Variants in GALNT15 observed in about 807,000 individuals in gnomAD.
The protein encoded by GALNT15 is polypeptide N-acetylgalactosaminyltransferase 15.
Under a neutral mutation model 66.8 loss-of-function variants are expected in GALNT15, and 67 were observed. That is an observed-to-expected ratio of 1.00 (90% CI 0.82 to 1.23). The LOEUF (loss-of-function observed/expected upper bound fraction) is 1.23. Ranked by LOEUF, GALNT15 falls within the 50% of genes most tolerant of loss-of-function variation. The pLI is 0.00. For synonymous variants in GALNT15, 313 were observed against 311.5 expected (o/e 1.00, Z -0.05); for missense variants, 827 against 804.3 (o/e 1.03, Z -0.34).
Position 16,227,123 on chromosome 3 carries a change from A to C in GALNT15, c.1774-231A>C, listed in dbSNP as rs575438322. Among the ~76,000 whole-genome samples the C allele has an allele frequency of 1.7e-4, 26 of 152,382 alleles. No homozygotes were observed. Among genetic ancestry groups the C allele is most frequent in the African/African-American group, 6.3e-4 (26 of 41,590 alleles). On this transcript the variant is annotated intron_variant, in intron 9 of 9. Transcript: ENST00000339732. This position sits in a 1 kb window ranked among gnomAD's most constrained non-coding sequence, Gnocchi z 4.5. ...TTTCTAAGAAATGGTGCAATTACAC[A>C]ACTACAATAAAGATAATTGGATTAG...
chr3:16,196,403 G>A (rs1403339526), intron 2 of GALNT15, among the ~76,000 whole-genome samples: 1 of 152,154 alleles, frequency 6.6e-6, no homozygotes, highest in Non-Finnish European at 1.5e-5. Flanking sequence ...GAGGAAACTG[G>A]GGCCCAGAGA....
chr3:16,208,105 T>G (rs1287704882), intron 3 of GALNT15, among the ~76,000 whole-genome samples: 1 of 152,180 alleles, frequency 6.6e-6, no homozygotes, highest in African/African-American at 2.4e-5. Flanking sequence ...CCCTAATTCC[T>G]TATGGAAAAA....
the GALNT15 span, among the ~76,000 whole-genome samples, chr3:16,240,962 C>A: frequency 6.6e-6 from 1 of 152,152 alleles, no homozygotes; most frequent in Non-Finnish European, 1.5e-5. Flanking sequence ...TTCCTTGTCT[C>A]TGCTCTAACC....
intron 1 of GALNT15, among the ~76,000 whole-genome samples, chr3:16,178,437 C>T (rs1660554918): frequency 6.6e-6 from 1 of 152,190 alleles, no homozygotes; most frequent in South Asian, 2.1e-4. Context: ...CGAAGGGAGA[C>T]GATTGGATTC....
Position 16,183,912 on chromosome 3 carries a change from G to C in GALNT15, c.539+8222G>C. Among the ~76,000 whole-genome samples, 2 of 152,188 alleles carry C rather than the reference G, an allele frequency of 1.3e-5. No individual in the cohort carries two copies. Among genetic ancestry groups the C allele is most frequent in the East Asian group, 3.8e-4 (2 of 5,200 alleles). On this transcript the variant is annotated intron_variant, in intron 1 of 9. Transcript: ENST00000339732. The surrounding 1 kb of genome is among the most constrained non-coding windows in gnomAD (Gnocchi z 5.2). ...AGGGGATCCTGGAGCTGCAGGAAAA[G>C]AGGGTGTGCATCTGTATGTAAACAC...
At chr3:16,232,465 AATAAATAT>A (rs1353049413), downstream of GALNT15, among the ~76,000 whole-genome samples, 3 of 28,646 alleles carry the variant, frequency 1.0e-4, no homozygotes, top group South Asian at 1.7e-3. Flanking sequence ...TAAATAAATA[AATAAATAT>A]ATATATATAT....
intron 3 of GALNT15, among the ~76,000 whole-genome samples, chr3:16,205,601 A>G (rs933815644): frequency 1.3e-5 from 2 of 152,242 alleles, no homozygotes; most frequent in South Asian, 2.1e-4. Flanking sequence ...TTCCAAGTCA[A>G]ACGAGGTCAG....
At chr3:16,236,104 CAAAAAAAAAA>C (rs558670542), downstream of GALNT15, among the ~76,000 whole-genome samples, 33 of 23,398 alleles carry the variant, frequency 1.4e-3, 2 homozygotes, top group South Asian at 7.5e-3. Context: ...GACTATGTCT[CAAAAAAAAAA>C]AAAAAAAAAA....
rs1210870001 is a variant in GALNT15 at position 16,209,642 on chromosome 3, A to AC, written c.1079+976dup. Among the ~76,000 whole-genome samples, 3 of 151,992 alleles carry AC rather than the reference A, an allele frequency of 2.0e-5. No individual in the cohort carries two copies. The highest frequency in any genetic ancestry group is 4.4e-5 in the Non-Finnish European group (3 of 67,998). On this transcript the variant is annotated intron_variant, in intron 4 of 9. Coordinates refer to ENST00000339732, the MANE Select transcript of GALNT15 (RefSeq NM_054110.5). This position sits in a 1 kb window ranked among gnomAD's most constrained non-coding sequence, Gnocchi z 4.1. ...AGACCAACCTGGCCATCATGGCGAA[A>AC]CCCCATCTCTACTAAAATTACAAAA...
chr3:16,229,689 T>C lies in GALNT15; in HGVS notation c.*2189T>C, dbSNP rs967214333. 8.2e-6 allele frequency: 8 copies of C among 980,288 alleles called. No homozygotes were observed. The highest frequency in any genetic ancestry group is 8.5e-6 in the Non-Finnish European group (7 of 825,340). 60.7% of individuals were successfully genotyped at this position (980,288 alleles called of 1,614,324 possible). A position where few individuals can be genotyped will look rare whatever the true frequency, so the allele number is the denominator to read the frequency against. ...TGAACTTTATCATTGGCATTGTGGGTCTTTGAAGTTGCTGGGATAAATTAA... is the reference window on the plus strand; with the variant it reads ...TGAACTTTATCATTGGCATTGTGGGCCTTTGAAGTTGCTGGGATAAATTAA... On this transcript the variant is annotated 3_prime_UTR_variant, in exon 10 of 10. Transcript: ENST00000339732.
At chr3:16,244,677 T>C in the GALNT15 span, among the ~76,000 whole-genome samples, 264 of 152,308 alleles carry the variant, frequency 1.7e-3, no homozygotes, top group African/African-American at 6.2e-3. Context: ...CAAAGTTGAA[T>C]GAGAATCTCA....
At chr3:16,238,510 T>C in the GALNT15 span, among the ~76,000 whole-genome samples, 1 of 152,184 alleles carries the variant, frequency 6.6e-6, no homozygotes, top group African/African-American at 2.4e-5. This position sits in a 1 kb window ranked among gnomAD's most constrained non-coding sequence, Gnocchi z 4.8. Context: ...GTTGTTGTAC[T>C]CAAGTTATTT....
chr3:16,201,623 T>C (rs964713313), intron 3 of GALNT15, among the ~76,000 whole-genome samples: 2 of 152,210 alleles, frequency 1.3e-5, no homozygotes, highest in African/African-American at 2.4e-5. Context: ...TTCCCCAGTT[T>C]ATATAAGGGG....
chr3:16,236,283 AC>A (rs2124918246), downstream of GALNT15, among the ~76,000 whole-genome samples: 1 of 152,212 alleles, frequency 6.6e-6, no homozygotes, highest in East Asian at 1.9e-4. Flanking sequence ...GGGTTAGCAA[AC>A]CTTTTCTGTA....
At chr3:16,205,630 G>A (rs901244544) in intron 3 of GALNT15, among the ~76,000 whole-genome samples, 3 of 152,196 alleles carry the variant, frequency 2.0e-5, no homozygotes, top group East Asian at 1.9e-4. Flanking sequence ...TTTGCTTGAC[G>A]TGAATTCCAA....
In GALNT15 at chr3:16,195,668, C is replaced by A; in HGVS notation, c.540-92C>A. The A allele has an allele frequency of 2.5e-6, 3 of 1,201,548 alleles. No homozygotes were observed. The highest frequency in any genetic ancestry group is 1.5e-5 in the African/African-American group (1 of 66,160). The allele number at this position is 1,201,548 out of a possible 1,614,324, so 74.4% of individuals were successfully genotyped here. A position where few individuals can be genotyped will look rare whatever the true frequency, so the allele number is the denominator to read the frequency against. ...TAGGACAGCCATATAATGGGGGCAG[C>A]TCCAGCCAGAGCAAAGGAAGCGAGT... On this transcript the variant is annotated intron_variant, in intron 1 of 9. Transcript: ENST00000339732. The surrounding 1 kb of genome is among the most constrained non-coding windows in gnomAD (Gnocchi z 4.6).
rs1350090968 is a variant in GALNT15, at chr3:16,195,689, C to A, written c.540-71C>A. Reference sequence around the variant, plus strand: ...GCAGCTCCAGCCAGAGCAAAGGAAGCGAGTTAGAGGGTGTGGAGTGTTTCT... The same window carrying A: ...GCAGCTCCAGCCAGAGCAAAGGAAGAGAGTTAGAGGGTGTGGAGTGTTTCT... On this transcript the variant is annotated intron_variant, in intron 1 of 9. Coordinates refer to ENST00000339732, the MANE Select transcript of GALNT15 (RefSeq NM_054110.5). This position sits in a 1 kb window ranked among gnomAD's most constrained non-coding sequence, Gnocchi z 4.6. The A allele has an allele frequency of 2.2e-6, 3 of 1,385,208 alleles. No homozygotes were observed. The highest frequency in any genetic ancestry group is 1.4e-5 in the South Asian group (1 of 73,018). The allele number at this position is 1,385,208 out of a possible 1,614,324, so 85.8% of individuals were successfully genotyped here.
intron 1 of GALNT15, among the ~76,000 whole-genome samples, chr3:16,190,289 A>C (rs879589275): frequency 6.6e-6 from 1 of 152,122 alleles, no homozygotes; most frequent in Non-Finnish European, 1.5e-5. Flanking sequence ...GTTGTCTGGG[A>C]GCTAAACAGT....
At chr3:16,232,494 A>ATATATATATC (rs2064093982), downstream of GALNT15, among the ~76,000 whole-genome samples, 1 of 86,464 alleles carries the variant, frequency 1.2e-5, no homozygotes, top group Non-Finnish European at 2.3e-5. Context: ...ATATATATAT[A>ATATATATATC]TATATATATA....
Sources: allele counts gnomAD v4.1 joint callset (sites outside exome capture counted in the v4.1 genomes callset), GRCh38; gene constraint gnomAD v4.1.1; non-coding constraint Gnocchi (gnomAD v3.1); transcripts MANE v1.5; gene names NCBI Gene and HGNC (gene_info 2026-07-23, HGNC 2026-07-21).